Variants in RNGTT observed in about 807,000 individuals in gnomAD.
The protein encoded by RNGTT is mRNA-capping enzyme.
RNGTT carries 33 observed loss-of-function variants against 79.3 expected under a neutral mutation model. The ratio of observed to expected loss-of-function variants is 0.42; its 90% confidence interval spans 0.32 to 0.56. The LOEUF (loss-of-function observed/expected upper bound fraction) is 0.56, where lower values mean the gene tolerates loss of function less well. Ranked by LOEUF, RNGTT falls within the 20% of genes least tolerant of loss-of-function variation. RNGTT has a pLI of 0.17. For missense variants in RNGTT, 497 were observed against 739.1 expected (o/e 0.67, Z 3.80); for synonymous variants, 222 against 235.9 (o/e 0.94, Z 0.54).
At chr6:88,901,191 T>C (rs1393603585) in intron 6 of RNGTT, among the ~76,000 whole-genome samples, 2 of 150,656 alleles carry the variant, frequency 1.3e-5, no homozygotes, top group Admixed American at 6.6e-5. Context: ...TGGTATTAGG[T>C]TGAGCTCCAG....
chr6:88,724,450 C>T (rs995020515), intron 13 of RNGTT, among the ~76,000 whole-genome samples: 8 of 152,230 alleles, frequency 5.3e-5, no homozygotes, highest in South Asian at 4.1e-4. Flanking sequence ...AGGAGCAATC[C>T]GCTATGCCAT....
intron 1 of RNGTT, among the ~76,000 whole-genome samples, chr6:88,962,538 C>T (rs1383070350): frequency 2.6e-5 from 4 of 151,810 alleles, no homozygotes; most frequent in East Asian, 1.9e-4. Flanking sequence ...TTTGGGAGGC[C>T]GAGGCGGGCG....
intron 12 of RNGTT, among the ~76,000 whole-genome samples, chr6:88,779,394 A>G (rs1341596808): frequency 1.3e-5 from 2 of 152,234 alleles, no homozygotes; most frequent in Admixed American, 1.3e-4. Flanking sequence ...GAATGATGGT[A>G]TAGTTTTAAA....
intron 12 of RNGTT, among the ~76,000 whole-genome samples, chr6:88,789,328 A>G (rs1326976956): frequency 2.0e-5 from 3 of 152,180 alleles, no homozygotes; most frequent in Non-Finnish European, 4.4e-5. Flanking sequence ...TTGGGAGGCC[A>G]AGGCCAGTGG....
At chr6:88,881,639 C>T (rs950121984) in intron 8 of RNGTT, among the ~76,000 whole-genome samples, 1 of 152,226 alleles carries the variant, frequency 6.6e-6, no homozygotes, top group Non-Finnish European at 1.5e-5. Context: ...CAGGCAGACA[C>T]TGACAGATAA....
At chr6:88,615,213 T>C (rs1319184395) in intron 14 of RNGTT, among the ~76,000 whole-genome samples, 1 of 152,236 alleles carries the variant, frequency 6.6e-6, no homozygotes, top group African/African-American at 2.4e-5. Flanking sequence ...TCCTCATCTT[T>C]CATGGCTAAC....
At chr6:88,827,423 C>T (rs993519758) in intron 11 of RNGTT, among the ~76,000 whole-genome samples, 3 of 152,152 alleles carry the variant, frequency 2.0e-5, no homozygotes, top group South Asian at 4.2e-4. Context: ...CGGATGCCTA[C>T]GCCACCAGGG....
At chr6:88,731,406 A>G (rs1355408876) in intron 13 of RNGTT, among the ~76,000 whole-genome samples, 1 of 152,214 alleles carries the variant, frequency 6.6e-6, no homozygotes, top group Non-Finnish European at 1.5e-5. Context: ...CAGTCTGAAG[A>G]GACAAAGCAA....
At chr6:88,819,069 AAATTT>A (rs1413699978) in intron 11 of RNGTT, among the ~76,000 whole-genome samples, 5 of 152,196 alleles carry the variant, frequency 3.3e-5, no homozygotes, top group Non-Finnish European at 7.4e-5. Flanking sequence ...AATTATTAGA[AAATTT>A]AATTTTGAAA....
chr6:88,833,143 T>C (rs1195341100), intron 11 of RNGTT, among the ~76,000 whole-genome samples: 1 of 152,194 alleles, frequency 6.6e-6, no homozygotes, highest in Non-Finnish European at 1.5e-5. Flanking sequence ...ATTGCAGCAC[T>C]ATTCACAATA....
intron 11 of RNGTT, among the ~76,000 whole-genome samples, chr6:88,803,480 G>A (rs955323718): frequency 6.6e-6 from 1 of 151,160 alleles, no homozygotes; most frequent in African/African-American, 2.4e-5. Context: ...ACAAGGCCGA[G>A]GCAGGAGAAT....
At chr6:88,909,124 A>G (rs1582118547) in intron 4 of RNGTT, among the ~76,000 whole-genome samples, 1 of 152,308 alleles carries the variant, frequency 6.6e-6, no homozygotes, top group South Asian at 2.1e-4. Flanking sequence ...CCAGTCCAGG[A>G]TGGGTGTGGC....
At chr6:88,792,914 T>A (rs1779469505) in intron 12 of RNGTT, among the ~76,000 whole-genome samples, 2 of 152,208 alleles carry the variant, frequency 1.3e-5, no homozygotes, top group Admixed American at 1.3e-4. Context: ...AACTGGAGCC[T>A]ATTCTGGATG....
chr6:88,845,763 A>C (rs1008500837), intron 10 of RNGTT, among the ~76,000 whole-genome samples: 5 of 152,206 alleles, frequency 3.3e-5, no homozygotes, highest in African/African-American at 1.2e-4. Context: ...AAAGTGAGTG[A>C]GAGGTATGAG....
At chr6:88,836,604 T>A (rs2127894065) in intron 11 of RNGTT, among the ~76,000 whole-genome samples, 1 of 152,134 alleles carries the variant, frequency 6.6e-6, no homozygotes, top group African/African-American at 2.4e-5. Context: ...TAGCCGGGCA[T>A]GATAACACGT....
chr6:88,813,428 A>G (rs1282378560), intron 11 of RNGTT, among the ~76,000 whole-genome samples: 1 of 152,232 alleles, frequency 6.6e-6, no homozygotes, highest in Non-Finnish European at 1.5e-5. Context: ...CCTTAAAGTC[A>G]GCACAGAGAG....
chr6:88,785,849 CA>C, intron 12 of RNGTT, among the ~76,000 whole-genome samples: 1 of 152,108 alleles, frequency 6.6e-6, no homozygotes, highest in South Asian at 2.1e-4. Flanking sequence ...ATTAATATTT[CA>C]AAAGAATGCA....
intron 13 of RNGTT, among the ~76,000 whole-genome samples, chr6:88,694,583 GA>G (rs891151857): frequency 1.8e-4 from 27 of 151,152 alleles, no homozygotes; most frequent in African/African-American, 5.8e-4. Context: ...CACAAAAATA[GA>G]AAAAAAAATT....
chr6:88,695,004 T>A (rs1431964450), intron 13 of RNGTT, among the ~76,000 whole-genome samples: 1 of 152,078 alleles, frequency 6.6e-6, no homozygotes, highest in Admixed American at 6.6e-5. Context: ...GGTATTTTGT[T>A]ATAGCGCACA....
Sources: allele counts gnomAD v4.1 joint callset (sites outside exome capture counted in the v4.1 genomes callset), GRCh38; gene constraint gnomAD v4.1.1; transcripts MANE v1.5; gene names NCBI Gene and HGNC (gene_info 2026-07-23, HGNC 2026-07-21).